NAT1: variants seen among roughly 807,000 people sequenced by gnomAD.
The protein encoded by NAT1 is arylamine N-acetyltransferase 1.
For synonymous variants in NAT1, 144 were observed against 122.6 expected (o/e 1.17, Z -1.16); for missense variants, 400 against 339.2 (o/e 1.18, Z -1.41).
intron 2 of NAT1, among the ~76,000 whole-genome samples, chr8:18,188,993 T>G (rs1477174769): frequency 1.1e-4 from 1 of 8,844 alleles, no homozygotes; most frequent in East Asian, 2.3e-3. Flanking sequence ...AGACTCCGAC[T>G]CAAAAAAAAA....
At chr8:18,212,442 C>T (rs747689152) in intron 1 of NAT1, 3 of 152,282 alleles carry the variant, frequency 2.0e-5, no homozygotes, top group Admixed American at 6.5e-5. Context: ...CCAAACCAGA[C>T]ACCAAGACAA....
At chr8:18,177,440 T>C (rs1191194935) in intron 2 of NAT1, among the ~76,000 whole-genome samples, 2 of 152,120 alleles carry the variant, frequency 1.3e-5, no homozygotes, top group African/African-American at 4.8e-5. Context: ...TACAAACAAT[T>C]GCTTCTGACG....
chr8:18,201,286 T>C (rs1803451879), intron 2 of NAT1: 1 of 152,236 alleles, frequency 6.6e-6, no homozygotes, highest in Non-Finnish European at 1.5e-5. Flanking sequence ...CAACTCATTC[T>C]AGTCCATTTT....
intron 2 of NAT1, among the ~76,000 whole-genome samples, chr8:18,202,364 C>A (rs896208897): frequency 6.6e-6 from 1 of 152,160 alleles, no homozygotes; most frequent in Non-Finnish European, 1.5e-5. Context: ...TCGTCTAAAG[C>A]GCGAAGGGAA....
chr8:18,217,541 G>T (rs898913197), intron 1 of NAT1, among the ~76,000 whole-genome samples: 1 of 152,198 alleles, frequency 6.6e-6, no homozygotes, highest in African/African-American at 2.4e-5. Flanking sequence ...TTTGGGAAAA[G>T]TAAGTGGGAC....
intron 2 of NAT1, among the ~76,000 whole-genome samples, chr8:18,174,198 G>A (rs1802203957): frequency 6.6e-6 from 1 of 152,156 alleles, no homozygotes; most frequent in Non-Finnish European, 1.5e-5. Context: ...CCACATGAAT[G>A]TCTGTTTCCC....
At chr8:18,206,275 TC>T (rs775680994), upstream of NAT1, among the ~76,000 whole-genome samples, 5 of 152,090 alleles carry the variant, frequency 3.3e-5, no homozygotes, top group South Asian at 2.1e-4. Context: ...TTCCCAGGTT[TC>T]CCCCTCTCAG....
At chr8:18,217,384 C>T (rs565975678) in intron 1 of NAT1, among the ~76,000 whole-genome samples, 10 of 152,358 alleles carry the variant, frequency 6.6e-5, no homozygotes, top group Admixed American at 3.3e-4. Flanking sequence ...TGTCTTCAGA[C>T]GCTTTGCGTC....
At chr8:18,194,318 C>T (rs1447708933) in intron 2 of NAT1, among the ~76,000 whole-genome samples, 2 of 152,158 alleles carry the variant, frequency 1.3e-5, no homozygotes, top group Non-Finnish European at 2.9e-5. Context: ...GGTGGCATAG[C>T]CTCAGTGATT....
At chr8:18,196,130 A>C (rs1340889296) in intron 2 of NAT1, among the ~76,000 whole-genome samples, 1 of 151,550 alleles carries the variant, frequency 6.6e-6, no homozygotes, top group Non-Finnish European at 1.5e-5. Context: ...TTTTTTTTTT[A>C]ATAGAGACAA....
At chr8:18,194,574 A>G (rs1803153209) in intron 2 of NAT1, among the ~76,000 whole-genome samples, 1 of 152,066 alleles carries the variant, frequency 6.6e-6, no homozygotes, top group African/African-American at 2.4e-5. Flanking sequence ...TAATCCCAGT[A>G]CTTTGGGAGG....
rs552018683 is a variant in NAT1, at chr8:18,217,033, A to G, written c.-85-2378A>G. Reference sequence around the variant, plus strand: ...ATGCAGTACCTCCAGTTTCGCATACAAAAAGGGAGAAAGGCAACTTGTAGA... The same window carrying G: ...ATGCAGTACCTCCAGTTTCGCATACGAAAAGGGAGAAAGGCAACTTGTAGA... On this transcript the variant is annotated intron_variant, in intron 1 of 2. Transcript: ENST00000307719. 1.0e-4 allele frequency: 140 copies of G among 1,377,422 alleles called. No individual in the cohort carries two copies. In the African/African-American group the frequency reaches 1.6e-3, roughly 16 times the overall value. The allele number at this position is 1,377,422 out of a possible 1,614,324, so 85.3% of individuals were successfully genotyped here.
intron 2 of NAT1, among the ~76,000 whole-genome samples, chr8:18,179,564 G>C (rs1361164624): frequency 1.3e-5 from 2 of 152,186 alleles, no homozygotes; most frequent in African/African-American, 4.8e-5. Context: ...AGCACAGAAA[G>C]AAGGGCAGAA....
intron 2 of NAT1, among the ~76,000 whole-genome samples, chr8:18,171,622 A>C (rs1291405308): frequency 6.6e-6 from 1 of 152,142 alleles, no homozygotes; most frequent in African/African-American, 2.4e-5. Context: ...TTTCTGCACA[A>C]ACAAAACAAA....
chr8:18,188,767 C>A (rs953828317), intron 2 of NAT1, among the ~76,000 whole-genome samples: 2 of 151,446 alleles, frequency 1.3e-5, no homozygotes, highest in African/African-American at 4.8e-5. Context: ...GAGGCTGAGG[C>A]GGGTGGATCA....
At chr8:18,181,136 T>A (rs1408245035) in intron 2 of NAT1, among the ~76,000 whole-genome samples, 1 of 152,180 alleles carries the variant, frequency 6.6e-6, no homozygotes, top group African/African-American at 2.4e-5. Context: ...TCCATTAGCA[T>A]GGGATATCTT....
chr8:18,205,874 G>A (rs28741068), upstream of NAT1, among the ~76,000 whole-genome samples: 905 of 152,282 alleles, frequency 5.9e-3, 12 homozygotes, highest in African/African-American at 0.021. Flanking sequence ...GGGAGAGGCC[G>A]GCAGACTGAG....
At chr8:18,205,491 G>A (rs968730309), upstream of NAT1, among the ~76,000 whole-genome samples, 6 of 152,158 alleles carry the variant, frequency 3.9e-5, no homozygotes, top group African/African-American at 1.4e-4. Context: ...CACAAGAGTG[G>A]GGCACTGGCG....
intron 2 of NAT1, among the ~76,000 whole-genome samples, chr8:18,171,989 C>T (rs897728231): frequency 1.3e-5 from 2 of 152,188 alleles, no homozygotes; most frequent in African/African-American, 4.8e-5. Context: ...TGTCTTTCAG[C>T]AAACAGACTA....
Sources: allele counts gnomAD v4.1 joint callset (sites outside exome capture counted in the v4.1 genomes callset), GRCh38; gene constraint gnomAD v4.1.1; transcripts MANE v1.5; gene names NCBI Gene and HGNC (gene_info 2026-07-23, HGNC 2026-07-21).